RAD51B: variants seen among roughly 807,000 people sequenced by gnomAD.
RAD51B encodes RAD51 paralog B.
Under a neutral mutation model 42.2 loss-of-function variants are expected in RAD51B, and 38 were observed. The observed-to-expected ratio is 0.90, with a 90% confidence interval of 0.70 to 1.18. The LOEUF (loss-of-function observed/expected upper bound fraction) is 1.18. RAD51B is among the 50% of genes most tolerant of loss of function. The probability of loss-of-function intolerance (pLI) is 0.00; values close to 1 mark genes in which losing one functional copy is unlikely to be tolerated. For synonymous variants in RAD51B, 154 were observed against 145.2 expected (o/e 1.06, Z -0.43); for missense variants, 373 against 400.7 (o/e 0.93, Z 0.59).
At chr14:68,586,007 G>C (rs1214119284) in intron 10 of RAD51B, among the ~76,000 whole-genome samples, 1 of 152,116 alleles carries the variant, frequency 6.6e-6, no homozygotes, top group Admixed American at 6.5e-5. Flanking sequence ...AAGCATCCAC[G>C]GCACGTTACG....
chr14:68,384,997 C>A (rs1385587915), intron 8 of RAD51B, among the ~76,000 whole-genome samples: 1 of 152,190 alleles, frequency 6.6e-6, no homozygotes, highest in African/African-American at 2.4e-5. Flanking sequence ...AGCACGACGA[C>A]AGAGGAGAAG....
In RAD51B at chr14:68,237,836, G is replaced by A. The variant is rs139587054; in HGVS notation, c.757-54048G>A. The stretch of plus-strand genomic sequence containing the variant: ...CTGCAACCTCTGCCTCCCGGTTCAA[G>A]TGATTCCCCTGCCTCAGCCTCCCAA... On this transcript the variant is annotated intron_variant, in intron 7 of 10. Coordinates refer to ENST00000471583, the MANE Select transcript of RAD51B (RefSeq NM_133510.4). Among the ~76,000 whole-genome samples the A allele has an allele frequency of 1.9e-3, 278 of 146,724 alleles. 1 individual carries two copies. The highest frequency in any genetic ancestry group is 6.1e-3 in the Admixed American group (86 of 14,198).
chr14:68,354,216 G>GTTTTTTTTT (rs3075406), intron 8 of RAD51B, among the ~76,000 whole-genome samples: 1 of 110,466 alleles, frequency 9.1e-6, no homozygotes, highest in African/African-American at 3.3e-5. Context: ...TGGTTTTTTG[G>GTTTTTTTTT]TTTTTTTTTT....
intron 8 of RAD51B, among the ~76,000 whole-genome samples, chr14:68,298,905 A>C (rs1254147047): frequency 6.6e-6 from 1 of 152,308 alleles, no homozygotes; most frequent in East Asian, 1.9e-4. Context: ...GTAATGTGGC[A>C]TGAAGCGTCT....
chr14:68,228,489 T>C (rs1290086790), intron 7 of RAD51B, among the ~76,000 whole-genome samples: 1 of 152,276 alleles, frequency 6.6e-6, no homozygotes, highest in South Asian at 2.1e-4. Context: ...TTTAACACAG[T>C]GTGAAAATTT....
intron 7 of RAD51B, among the ~76,000 whole-genome samples, chr14:67,958,787 C>G (rs1386405516): frequency 6.6e-6 from 1 of 152,178 alleles, no homozygotes; most frequent in Non-Finnish European, 1.5e-5. Flanking sequence ...TCTTTGTAAA[C>G]TTGCATCACT....
At chr14:67,844,191 T>C (rs1213852025) in intron 4 of RAD51B, among the ~76,000 whole-genome samples, 1 of 152,146 alleles carries the variant, frequency 6.6e-6, no homozygotes, top group Non-Finnish European at 1.5e-5. Flanking sequence ...TTTCTATTTT[T>C]ATTGTGTTAT....
chr14:68,597,841 G>A (rs968475619), downstream of RAD51B, among the ~76,000 whole-genome samples: 4 of 149,832 alleles, frequency 2.7e-5, no homozygotes, highest in Admixed American at 2.7e-4. Context: ...AATTGACCCT[G>A]ATGGAGAGAA....
intron 7 of RAD51B, among the ~76,000 whole-genome samples, chr14:67,947,831 A>G (rs1296006879): frequency 6.6e-6 from 1 of 152,202 alleles, no homozygotes; most frequent in Non-Finnish European, 1.5e-5. Context: ...ATTATAATGG[A>G]AAAATCTGCA....
intron 7 of RAD51B, among the ~76,000 whole-genome samples, chr14:67,922,563 A>G (rs200409260): frequency 6.8e-6 from 1 of 147,090 alleles, no homozygotes; most frequent in African/African-American, 2.5e-5. Context: ...TTTTTTTTTT[A>G]AATTTCAATA....
At chr14:68,420,071 T>A (rs2084660782) in intron 9 of RAD51B, among the ~76,000 whole-genome samples, 1 of 152,234 alleles carries the variant, frequency 6.6e-6, no homozygotes, top group Non-Finnish European at 1.5e-5. Context: ...TCAGCATAGA[T>A]CTGATCATCT....
At chr14:68,012,754 G>T (rs1172395195) in intron 7 of RAD51B, among the ~76,000 whole-genome samples, 1 of 152,106 alleles carries the variant, frequency 6.6e-6, no homozygotes, top group Non-Finnish European at 1.5e-5. Context: ...CTTACACATG[G>T]AGGACAATAA....
intron 7 of RAD51B, among the ~76,000 whole-genome samples, chr14:67,946,626 A>G (rs2045404954): frequency 6.6e-6 from 1 of 152,214 alleles, no homozygotes; most frequent in Admixed American, 6.5e-5. Flanking sequence ...TCGGCCTCCC[A>G]AAGTGTTGGG....
chr14:68,373,881 A>G (rs1594746452), intron 8 of RAD51B, among the ~76,000 whole-genome samples: 1 of 152,230 alleles, frequency 6.6e-6, no homozygotes, highest in African/African-American at 2.4e-5. Flanking sequence ...GTAGTCAGTG[A>G]TAATAATAGC....
chr14:68,669,318 G>A (rs1464278557), intron 11 of RAD51B, among the ~76,000 whole-genome samples: 1 of 152,212 alleles, frequency 6.6e-6, no homozygotes, highest in Non-Finnish European at 1.5e-5. Context: ...CACCTAGAAA[G>A]TGTCTAAAGC....
intron 7 of RAD51B, among the ~76,000 whole-genome samples, chr14:68,184,148 T>G (rs1376220944): frequency 6.6e-6 from 1 of 151,772 alleles, no homozygotes; most frequent in African/African-American, 2.4e-5. Flanking sequence ...TGTACTTGGA[T>G]GTCCCAGTGG....
intron 10 of RAD51B, among the ~76,000 whole-genome samples, chr14:68,585,781 A>G (rs1890433951): frequency 6.6e-6 from 1 of 152,188 alleles, no homozygotes; most frequent in African/African-American, 2.4e-5. Flanking sequence ...ACGTGGGCAG[A>G]CGCCTGGCTG....
intron 10 of RAD51B, among the ~76,000 whole-genome samples, chr14:68,516,266 A>G (rs1278737669): frequency 6.6e-6 from 1 of 152,258 alleles, no homozygotes; most frequent in Non-Finnish European, 1.5e-5. Flanking sequence ...GAATAAATTA[A>G]CATTTAGTAA....
chr14:68,610,513 C>T (rs1891634942), intron 10 of RAD51B, among the ~76,000 whole-genome samples: 1 of 152,216 alleles, frequency 6.6e-6, no homozygotes, highest in African/African-American at 2.4e-5. Context: ...TCCCTGTCCT[C>T]CCGTACAACC....
Sources: gnomAD v4.1 joint callset for allele counts (sites outside exome capture counted in the v4.1 genomes callset) on GRCh38, gnomAD v4.1.1 for gene constraint, MANE v1.5 for transcripts, NCBI Gene and HGNC (gene_info 2026-07-23, HGNC 2026-07-21) for gene names.